Variants in NOVA1 observed in about 807,000 individuals in gnomAD.
NOVA1 encodes RNA-binding protein Nova-1.
Under a neutral mutation model 38.0 loss-of-function variants are expected in NOVA1, and 7 were observed. The ratio of observed to expected loss-of-function variants is 0.18; its 90% CI spans 0.10 to 0.35. NOVA1 has a LOEUF of 0.35. Ranked by LOEUF, NOVA1 falls within the 10% of genes least tolerant of loss-of-function variation. The pLI, the probability that NOVA1 is intolerant of heterozygous loss-of-function variation, is 1.00. For synonymous variants in NOVA1, 270 were observed against 232.5 expected, an observed-to-expected ratio of 1.16 and a Z score of -1.47; for missense variants, 460 against 616.0, an observed-to-expected ratio of 0.75 and a Z score of 2.68.
chr14:26,468,557 C>CA (rs758871270), intron 4 of NOVA1, among the ~76,000 whole-genome samples: 1 of 152,082 alleles, frequency 6.6e-6, no homozygotes, highest in East Asian at 1.9e-4. Context: ...TGTTATACAG[C>CA]AATAGAAAAC....
chr14:26,522,615 C>T (rs926020378), intron 2 of NOVA1, among the ~76,000 whole-genome samples: 3 of 152,024 alleles, frequency 2.0e-5, no homozygotes, highest in Admixed American at 1.3e-4. Context: ...AAAAATCCAT[C>T]TTGGTCTTAG....
intron 2 of NOVA1, among the ~76,000 whole-genome samples, chr14:26,559,717 C>T (rs1891704083): frequency 1.3e-5 from 2 of 151,998 alleles, no homozygotes; most frequent in African/African-American, 2.4e-5. Context: ...GAGTAGACTG[C>T]TGGTTATCAG....
intron 2 of NOVA1, among the ~76,000 whole-genome samples, chr14:26,571,474 C>T (rs951694341): frequency 6.6e-6 from 1 of 152,280 alleles, no homozygotes; most frequent in Middle Eastern, 3.4e-3. Context: ...AGGAAAAACA[C>T]ATGACATGAC....
At chr14:26,467,704 T>C (rs1884255270) in intron 4 of NOVA1, among the ~76,000 whole-genome samples, 1 of 152,178 alleles carries the variant, frequency 6.6e-6, no homozygotes, top group Admixed American at 6.6e-5. Context: ...CTGAAATGAA[T>C]GGTTTTAGAC....
At chr14:26,532,830 C>G (rs940009548) in intron 2 of NOVA1, among the ~76,000 whole-genome samples, 1 of 152,098 alleles carries the variant, frequency 6.6e-6, no homozygotes, top group Non-Finnish European at 1.5e-5. Flanking sequence ...TGTCTAAACT[C>G]TTTTACTATA....
At chr14:26,533,962 G>A (rs1889899575) in intron 2 of NOVA1, among the ~76,000 whole-genome samples, 1 of 152,182 alleles carries the variant, frequency 6.6e-6, no homozygotes, top group Admixed American at 6.5e-5. Context: ...ACTGCTGTAT[G>A]TGATATTTCA....
chr14:26,513,716 A>G (rs948939207), intron 2 of NOVA1, among the ~76,000 whole-genome samples: 2 of 151,774 alleles, frequency 1.3e-5, no homozygotes, highest in Non-Finnish European at 3.0e-5. Flanking sequence ...ATACTGATAA[A>G]TATTAATACT....
intron 2 of NOVA1, among the ~76,000 whole-genome samples, chr14:26,488,642 T>C (rs922024255): frequency 3.3e-5 from 5 of 152,204 alleles, no homozygotes; most frequent in Non-Finnish European, 5.9e-5. Flanking sequence ...TTAGGATCAC[T>C]ATAGCAATCC....
intron 4 of NOVA1, among the ~76,000 whole-genome samples, chr14:26,465,610 A>G (rs1028642313): frequency 7.2e-5 from 11 of 152,216 alleles, no homozygotes; most frequent in Non-Finnish European, 1.3e-4. Context: ...TTTTAGCTTA[A>G]TCTCTTCATT....
chr14:26,538,859 C>A (rs1409501526), intron 2 of NOVA1, among the ~76,000 whole-genome samples: 2 of 152,110 alleles, frequency 1.3e-5, no homozygotes, highest in East Asian at 3.9e-4. Context: ...TCAACTCCTG[C>A]CACATTCTCT....
At chr14:26,556,342 C>A (rs182746909) in intron 2 of NOVA1, among the ~76,000 whole-genome samples, 1 of 152,118 alleles carries the variant, frequency 6.6e-6, no homozygotes, top group African/African-American at 2.4e-5. Context: ...AGAAACAAAC[C>A]CACATCAACA....
intron 2 of NOVA1, among the ~76,000 whole-genome samples, chr14:26,500,736 A>G (rs1005388931): frequency 6.6e-6 from 1 of 152,060 alleles, no homozygotes; most frequent in African/African-American, 2.4e-5. Context: ...TGTTTACAGT[A>G]AGAAATATAA....
intron 2 of NOVA1, among the ~76,000 whole-genome samples, chr14:26,511,166 C>G (rs886240989): frequency 2.0e-4 from 31 of 152,080 alleles, no homozygotes; most frequent in Non-Finnish European, 4.0e-4. Flanking sequence ...TTAAGGTTCA[C>G]TTTTATCTTC....
At chr14:26,478,133 A>T (rs553706777) in intron 3 of NOVA1, among the ~76,000 whole-genome samples, 8 of 151,912 alleles carry the variant, frequency 5.3e-5, no homozygotes, top group Non-Finnish European at 1.0e-4. Context: ...ATAACATCCA[A>T]AAAGGCAAAT....
At chr14:26,455,117 C>T (rs1350947298) in intron 4 of NOVA1, among the ~76,000 whole-genome samples, 2 of 152,142 alleles carry the variant, frequency 1.3e-5, no homozygotes, top group Non-Finnish European at 2.9e-5. Context: ...TTTGTTTAAT[C>T]TACTTTTGAT....
chr14:26,478,655 C>A (rs946961697), intron 3 of NOVA1, among the ~76,000 whole-genome samples: 2 of 151,794 alleles, frequency 1.3e-5, no homozygotes, highest in African/African-American at 4.8e-5. Context: ...AAAAAATAAA[C>A]ACAACTATAA....
At chr14:26,553,846 C>T (rs1379984324) in intron 2 of NOVA1, among the ~76,000 whole-genome samples, 1 of 152,110 alleles carries the variant, frequency 6.6e-6, no homozygotes, top group Non-Finnish European at 1.5e-5. Context: ...CCTCTCCCGT[C>T]CTCATAGAAG....
intron 2 of NOVA1, among the ~76,000 whole-genome samples, chr14:26,551,402 G>A (rs1053101868): frequency 6.6e-6 from 1 of 151,974 alleles, no homozygotes; most frequent in African/African-American, 2.4e-5. Flanking sequence ...ATAACTTTGG[G>A]ATTCCACCTT....
At chr14:26,535,513 A>T (rs1427395750) in intron 2 of NOVA1, among the ~76,000 whole-genome samples, 2 of 152,234 alleles carry the variant, frequency 1.3e-5, no homozygotes, top group Non-Finnish European at 2.9e-5. Context: ...ACATCAAATA[A>T]GGATTAATAT....
Sources: gnomAD v4.1 joint callset for allele counts (sites outside exome capture counted in the v4.1 genomes callset) on GRCh38, gnomAD v4.1.1 for gene constraint, MANE v1.5 for transcripts, NCBI Gene and HGNC (gene_info 2026-07-23, HGNC 2026-07-21) for gene names.